PLCE1: variants seen among roughly 807,000 people sequenced by gnomAD.
PLCE1 encodes the protein 1-phosphatidylinositol 4,5-bisphosphate phosphodiesterase epsilon-1.
PLCE1 carries 119 observed loss-of-function variants against 242.8 expected under a neutral mutation model. The ratio of observed to expected loss-of-function variants is 0.49; its 90% confidence interval spans 0.42 to 0.57. The LOEUF is 0.57. Ranked by LOEUF, PLCE1 falls within the 20% of genes least tolerant of loss-of-function variation. PLCE1 has a pLI of 0.00. For synonymous variants in PLCE1, 945 were observed against 1,017.4 expected (o/e 0.93, Z 1.35); for missense variants, 2,441 against 2,788.8 (o/e 0.88, Z 2.81).
intron 2 of PLCE1, among the ~76,000 whole-genome samples, chr10:94,065,095 C>T (rs2044162572): frequency 6.6e-6 from 1 of 152,128 alleles, no homozygotes; most frequent in African/African-American, 2.4e-5. Context: ...TTTTTATTGT[C>T]TCTGGCTCTC....
chr10:94,215,540 G>A (rs1259226255), intron 4 of PLCE1, among the ~76,000 whole-genome samples: 1 of 152,004 alleles, frequency 6.6e-6, no homozygotes, highest in Non-Finnish European at 1.5e-5. Flanking sequence ...ATGACATCTG[G>A]GCTACTTGGA....
intron 4 of PLCE1, among the ~76,000 whole-genome samples, chr10:94,185,124 G>A (rs979024885): frequency 2.0e-5 from 3 of 152,246 alleles, no homozygotes; most frequent in African/African-American, 7.2e-5. Context: ...AGCAATGCCA[G>A]GCATGAACTA....
chr10:94,052,741 A>T (rs562803144), intron 2 of PLCE1, among the ~76,000 whole-genome samples: 1 of 152,290 alleles, frequency 6.6e-6, no homozygotes, highest in South Asian at 2.1e-4. Flanking sequence ...TTGGGAATAA[A>T]GGTAGTGAGC....
At chr10:94,123,278 A>G (rs2046348679) in intron 2 of PLCE1, among the ~76,000 whole-genome samples, 1 of 152,198 alleles carries the variant, frequency 6.6e-6, no homozygotes, top group African/African-American at 2.4e-5. Context: ...CCAAGTTTTC[A>G]AATGTCCTGG....
Position 94,252,458 on chromosome 10 carries a change from G to A in PLCE1, c.3239G>A (p.Gly1080Asp), listed in dbSNP as rs1024281662. The change falls in exon 9 of 33, where the codon GGC (glycine) becomes GAC (aspartate). Residue 1080 changes from glycine to aspartate, a missense_variant. Physicochemically the swap from Gly to Asp is moderately conservative, Grantham distance 94. This residue lies in a region of PLCE1 where 1,004 missense variants were observed against 1,322.7 expected (regional missense o/e 0.76). Transcript: ENST00000371380. ...AATATGCAGAGAAACAATACCCTGGGCATAAGCACTACCAAGAAAAAGAAG... is the reference window on the plus strand; with the variant it reads ...AATATGCAGAGAAACAATACCCTGGACATAAGCACTACCAAGAAAAAGAAG... The part of the protein sequence containing the change: ...KPNMQRNNTL[G>D]ISTTKKKKKI... 11 of 1,613,910 alleles carry A rather than the reference G, an allele frequency of 6.8e-6. No individual in the cohort carries two copies. The highest frequency in any genetic ancestry group is 9.3e-6 in the Non-Finnish European group (11 of 1,179,948).
intron 7 of PLCE1, among the ~76,000 whole-genome samples, chr10:94,242,331 TC>T (rs2050534822): frequency 1.3e-5 from 2 of 152,038 alleles, no homozygotes. Flanking sequence ...TGAGACAGAG[TC>T]TTGTTCTGTT....
chr10:94,218,250 G>A (rs1313188293), intron 4 of PLCE1, among the ~76,000 whole-genome samples: 1 of 152,046 alleles, frequency 6.6e-6, no homozygotes, highest in Non-Finnish European at 1.5e-5. Flanking sequence ...AGAACACTAG[G>A]TTTTTATAGT....
At chr10:93,995,753 A>C (rs2060807603) in intron 1 of PLCE1, among the ~76,000 whole-genome samples, 1 of 152,248 alleles carries the variant, frequency 6.6e-6, no homozygotes, top group Admixed American at 6.5e-5. Flanking sequence ...AAGAAGCCAG[A>C]TTGAACTGGA....
chr10:94,207,736 A>T (rs1017868884), intron 4 of PLCE1, among the ~76,000 whole-genome samples: 4 of 152,206 alleles, frequency 2.6e-5, no homozygotes, highest in African/African-American at 9.6e-5. Flanking sequence ...AATTAAAGAT[A>T]AATCTGAAAC....
chr10:93,999,871 T>C (rs1036101955), intron 1 of PLCE1, among the ~76,000 whole-genome samples: 9 of 152,206 alleles, frequency 5.9e-5, no homozygotes, highest in African/African-American at 2.2e-4. Flanking sequence ...AGGGCCCAGA[T>C]TGGAATGGCC....
intron 3 of PLCE1, among the ~76,000 whole-genome samples, chr10:94,166,689 G>A (rs997325959): frequency 6.6e-6 from 1 of 151,894 alleles, no homozygotes; most frequent in African/African-American, 2.4e-5. Context: ...AGTCAGAGCT[G>A]CAATTAAATT....
At chr10:94,088,985 G>A in intron 2 of PLCE1, 3 of 1,219,776 alleles carry the variant, frequency 2.5e-6, no homozygotes, top group Non-Finnish European at 1.1e-6. Context: ...CTCGATTCTG[G>A]GTATTACATC....
In PLCE1 at chr10:94,326,571, A is replaced by C. The variant is rs114444196; in HGVS notation, c.*25-1397A>C. Among the ~76,000 whole-genome samples the C allele has an allele frequency of 7.1e-3, 1,077 of 152,318 alleles. 10 individuals carry two copies. The highest frequency in any genetic ancestry group is 0.024 in the African/African-American group (1,017 of 41,550). On this transcript the variant is annotated intron_variant, in intron 32 of 32. Coordinates refer to ENST00000371380, the MANE Select transcript of PLCE1 (RefSeq NM_016341.4). ...TTGGTCATATACTTCTCTACATATA[A>C]AGAGCCCGATATGTGCTACAAGATT...
intron 16 of PLCE1, among the ~76,000 whole-genome samples, chr10:94,268,416 T>C (rs2051591506): frequency 6.6e-6 from 1 of 152,210 alleles, no homozygotes; most frequent in Non-Finnish European, 1.5e-5. Flanking sequence ...TCTTCTTACA[T>C]GTTATGCATT....
intron 3 of PLCE1, among the ~76,000 whole-genome samples, chr10:94,149,492 A>G (rs1456037896): frequency 6.6e-6 from 1 of 152,218 alleles, no homozygotes; most frequent in African/African-American, 2.4e-5. Flanking sequence ...TAAGTGTTTT[A>G]CCAACATCAA....
chr10:94,012,199 C>T (rs1199696706), intron 1 of PLCE1, among the ~76,000 whole-genome samples: 3 of 151,980 alleles, frequency 2.0e-5, no homozygotes, highest in African/African-American at 7.2e-5. Flanking sequence ...TACCTCTCTC[C>T]AGTTCCCCAA....
chr10:94,134,643 C>G (rs932003073), intron 3 of PLCE1, among the ~76,000 whole-genome samples: 4 of 152,194 alleles, frequency 2.6e-5, no homozygotes, highest in East Asian at 1.9e-4. Context: ...AAACGGATCT[C>G]TAGGCTGCCC....
intron 2 of PLCE1, among the ~76,000 whole-genome samples, chr10:94,091,515 A>G (rs1357409758): frequency 6.6e-6 from 1 of 152,178 alleles, no homozygotes; most frequent in Non-Finnish European, 1.5e-5. Context: ...TTATATAACT[A>G]TAGTCTACAG....
At chr10:93,996,065 C>A (rs1266238280) in intron 1 of PLCE1, among the ~76,000 whole-genome samples, 3 of 152,228 alleles carry the variant, frequency 2.0e-5, no homozygotes, top group Non-Finnish European at 4.4e-5. Context: ...GGGGACGTTT[C>A]CCATGCCTGG....
Sources: allele counts gnomAD v4.1 joint callset (sites outside exome capture counted in the v4.1 genomes callset), GRCh38; gene constraint gnomAD v4.1.1; regional missense constraint gnomAD v4.1.1; transcripts MANE v1.5; gene names NCBI Gene and HGNC (gene_info 2026-07-23, HGNC 2026-07-21).